CCDC47: variants seen among roughly 807,000 people sequenced by gnomAD.
CCDC47 encodes the protein PAT complex subunit CCDC47.
CCDC47 carries 41 observed loss-of-function variants against 60.5 expected under a neutral mutation model. That is an observed-to-expected ratio of 0.68 (90% CI 0.53 to 0.88). The LOEUF (loss-of-function observed/expected upper bound fraction) is 0.88. CCDC47 is among the 40% of genes least tolerant of loss of function. CCDC47 has a pLI of 0.00. For missense variants in CCDC47, 513 were observed against 580.9 expected (o/e 0.88, Z 1.20); for synonymous variants, 195 against 190.7 (o/e 1.02, Z -0.18).
chr17:63,752,714 AACCCAGAAAGG>A lies in CCDC47; in HGVS notation c.1093+16_1093+26del. 2 of 1,600,582 alleles carry A rather than the reference AACCCAGAAAGG, an allele frequency of 1.2e-6. No homozygotes were observed. The highest frequency in any genetic ancestry group is 2.3e-5 in the South Asian group (2 of 88,548). On this transcript the variant is annotated intron_variant, in intron 10 of 12. Transcript: ENST00000225726. ...TAAGGTCATCTCAGAGAAGACTAAG[AACCCAGAAAGG>A]ACCCAGAATACTTACCATTAAATGT... is the stretch of plus-strand genomic sequence containing the variant.
intron 12 of CCDC47, among the ~76,000 whole-genome samples, chr17:63,748,851 TA>T (rs1310300423): frequency 6.6e-6 from 1 of 151,394 alleles, no homozygotes; most frequent in Non-Finnish European, 1.5e-5. Context: ...TCATCTCTAC[TA>T]AAAATACAAA....
chr17:63,764,604 A>T, intron 3 of CCDC47, 136 bp downstream of exon 3: 1 of 725,178 alleles, frequency 1.4e-6, no homozygotes, highest in Non-Finnish European at 2.1e-6. Context: ...GATTTTTATC[A>T]GAAAAATTGA....
chr17:63,766,041 G>A lies in CCDC47; in HGVS notation c.135C>T (p.Val45=). 1 of 1,613,974 alleles carries A rather than the reference G, an allele frequency of 6.2e-7. No homozygotes were observed. Among genetic ancestry groups the A allele is most frequent in the Non-Finnish European group, 8.5e-7 (1 of 1,179,990 alleles). The part of the protein sequence containing the change: ...DDNDFAEFED[V]MEDSVTESPQ... ...GAGATTCAGTAACAGAGTCTTCCAT[G>A]ACATCCTCAAATTCAGCGAAGTCAT... Residue 45 remains valine (V), a synonymous_variant, in exon 2 of 13, where the codon GTC becomes GTT. Transcript: ENST00000225726.
chr17:63,750,062 A>T (rs1245926393), intron 12 of CCDC47, among the ~76,000 whole-genome samples: 1 of 152,184 alleles, frequency 6.6e-6, no homozygotes, highest in Non-Finnish European at 1.5e-5. Context: ...ATCTTTTTAC[A>T]AGGTGCCCAG....
intron 6 of CCDC47, among the ~76,000 whole-genome samples, chr17:63,759,306 T>C (rs367987055): frequency 3.1e-4 from 47 of 150,160 alleles, no homozygotes; most frequent in African/African-American, 1.1e-3. Flanking sequence ...CTGACCAACA[T>C]GGTGAAACCC....
In CCDC47 at chr17:63,756,242, T is replaced by G; in HGVS notation, c.946A>C (p.Lys316Gln). 1.2e-6 allele frequency: 2 copies of G among 1,608,888 alleles called. No homozygotes were observed. Among genetic ancestry groups the G allele is most frequent in the Non-Finnish European group, 8.5e-7 (1 of 1,175,222 alleles). ...TGTATGTCTTCTGTCGCATTTACCT[T>G]TGTATCCATCATTCCGTCTGTGACT... The part of the protein sequence containing the change: ...GEVTDGMMDT[K>Q]MVHFLTHYAD... Residue 316 changes from lysine (K) to glutamine (Q), a missense_variant and splice_region_variant, in exon 8 of 13, where the codon AAG becomes CAG. By Grantham distance (53) the Lys-to-Gln change is moderately conservative. Transcript: ENST00000225726.
intron 1 of CCDC47, among the ~76,000 whole-genome samples, chr17:63,771,571 A>G (rs938907072): frequency 1.3e-5 from 2 of 152,162 alleles, no homozygotes; most frequent in Non-Finnish European, 2.9e-5. Flanking sequence ...TCCTTTAACC[A>G]TCTTTAGTTA....
chr17:63,749,264 C>T (rs1242393738), intron 12 of CCDC47, among the ~76,000 whole-genome samples: 3 of 151,344 alleles, frequency 2.0e-5, no homozygotes, highest in Non-Finnish European at 4.4e-5. Context: ...AAAAATTAGC[C>T]GGGCATGGAG....
chr17:63,758,536 A>C (rs750156688), intron 6 of CCDC47, among the ~76,000 whole-genome samples: 4 of 152,114 alleles, frequency 2.6e-5, no homozygotes, highest in Non-Finnish European at 4.4e-5. Flanking sequence ...AAATTTACAA[A>C]ATTAAAAAGA....
intron 12 of CCDC47, among the ~76,000 whole-genome samples, chr17:63,751,441 C>T (rs1040800518): frequency 5.0e-5 from 6 of 119,944 alleles, no homozygotes; most frequent in African/African-American, 1.9e-4. Flanking sequence ...TTCAGAAACA[C>T]ATCAGATCAT....
intron 6 of CCDC47, among the ~76,000 whole-genome samples, chr17:63,757,854 G>C (rs560517485): frequency 2.0e-4 from 31 of 152,194 alleles, no homozygotes; most frequent in African/African-American, 7.2e-4. Context: ...TTATTCTAAT[G>C]GGGTGACTTA....
intron 1 of CCDC47, among the ~76,000 whole-genome samples, chr17:63,770,920 G>A (rs369689171): frequency 2.0e-5 from 3 of 148,238 alleles, no homozygotes; most frequent in Admixed American, 6.8e-5. Context: ...CTTGGGAGGC[G>A]GAGATTGCAG....
At chr17:63,760,836 CAAAAAAAAAA>C in intron 6 of CCDC47, 68 bp downstream of exon 6, 1 of 793,932 alleles carries the variant, frequency 1.3e-6, no homozygotes, top group East Asian at 2.9e-5. Flanking sequence ...GAGACTCCAT[CAAAAAAAAAA>C]AAAAAAAGAA....
In CCDC47 at chr17:63,756,233, C is replaced by T; in HGVS notation, c.948+7G>A. The T allele has an allele frequency of 6.3e-7, 1 of 1,597,120 alleles. No individual in the cohort carries two copies. Among genetic ancestry groups the T allele is most frequent in the Non-Finnish European group, 8.6e-7 (1 of 1,164,500 alleles). On this transcript the variant is annotated splice_region_variant and intron_variant, in intron 8 of 12. Transcript: ENST00000225726. ...CCTGGCAAATGTATGTCTTCTGTCG[C>T]ATTTACCTTTGTATCCATCATTCCG... is the stretch of plus-strand genomic sequence containing the variant.
chr17:63,756,072 T>C (rs1037478738), intron 8 of CCDC47, among the ~76,000 whole-genome samples, 168 bp downstream of exon 8: 2 of 152,236 alleles, frequency 1.3e-5, no homozygotes, highest in African/African-American at 4.8e-5. Flanking sequence ...AATTGTCCTT[T>C]TGACAAGCTA....
At chr17:63,770,214 C>T (rs1284855722) in intron 1 of CCDC47, among the ~76,000 whole-genome samples, 3 of 151,968 alleles carry the variant, frequency 2.0e-5, no homozygotes, top group South Asian at 2.1e-4. Context: ...CCACCTGCCT[C>T]GGCCTCCCAA....
At chr17:63,752,928 C>G (rs1598305683) in intron 9 of CCDC47, 129 bp from the exon 10 acceptor site, 1 of 1,371,700 alleles carries the variant, frequency 7.3e-7, no homozygotes, top group South Asian at 1.6e-5. Context: ...TTGGCATACC[C>G]AAGTCAAATA....
intron 12 of CCDC47, chr17:63,747,948 G>A (rs557775371): frequency 1.2e-4 from 26 of 209,364 alleles, no homozygotes; most frequent in African/African-American, 4.0e-4. Context: ...TCTGCCTTCC[G>A]GGTTCAAGCC....
rs575564486 is a variant in CCDC47, at chr17:63,772,545, G to A, written c.-20+867C>T. ...TGGGATTACAGACGTGGGCCACCGC[G>A]CCCAGCCTCCTTTTCAAATCCTACT... On this transcript the variant is annotated intron_variant, in intron 1 of 12. Coordinates refer to ENST00000225726, the MANE Select transcript of CCDC47 (RefSeq NM_020198.3). Among the ~76,000 whole-genome samples, 13 of 152,106 alleles carry A rather than the reference G, an allele frequency of 8.5e-5. No individual in the cohort carries two copies. The South Asian group carries it at 1.7e-3, about 19-fold the overall frequency.
Sources: allele counts gnomAD v4.1 joint callset (sites outside exome capture counted in the v4.1 genomes callset), GRCh38; gene constraint gnomAD v4.1.1; transcripts MANE v1.5; gene names NCBI Gene and HGNC (gene_info 2026-07-23, HGNC 2026-07-21).